The following DYSF variants were observed in gnomAD, a reference collection of about 807,000 sequenced individuals.
DYSF encodes dystrophy-associated fer-1-like 1.
In DYSF, 212 loss-of-function variants were observed where a neutral mutation model predicts 274.9. The ratio of observed to expected loss-of-function variants is 0.77; its 90% confidence interval spans 0.69 to 0.86. The LOEUF is 0.86. Ranked by LOEUF, DYSF falls within the 40% of genes least tolerant of loss-of-function variation. DYSF has a pLI of 0.00. For synonymous variants in DYSF, 1,091 were observed against 1,078.7 expected, an observed-to-expected ratio of 1.01 and a Z score of -0.22; for missense variants, 2,666 against 2,783.2, an observed-to-expected ratio of 0.96 and a Z score of 0.95.
intron 55 of DYSF, 57 bp downstream of exon 55, chr2:71,682,734 A>G: frequency 1.3e-6 from 2 of 1,574,762 alleles, no homozygotes. Context: ...GGGGGAGTTC[A>G]TCATTGTCCT....
At chr2:71,557,447 C>A (rs1273225637) in intron 22 of DYSF, among the ~76,000 whole-genome samples, 4 of 152,172 alleles carry the variant, frequency 2.6e-5, no homozygotes, top group Non-Finnish European at 2.9e-5. Context: ...CCCCGAGGGT[C>A]TCTGCTAAGG....
At position 71,570,627 on chromosome 2, in the gene DYSF, G is replaced by A. The variant is rs398123778; in HGVS notation, c.3114G>A (p.Pro1038=). The part of the protein sequence containing the change: ...QGWEYSITIP[P]ERKPKHWVPA... ...GGGAGTATAGCATCACCATCCCCCC[G>A]GAGCGGAAGCCGAAGCACTGGGTCC... The change falls in exon 29 of 56, where the codon CCG becomes CCA. Residue 1038 remains proline, a synonymous_variant. Coordinates refer to ENST00000410020, the MANE Select transcript of DYSF (RefSeq NM_001130987.2). The A allele has an allele frequency of 1.7e-4, 282 of 1,614,028 alleles. 4 individuals are homozygous for A. The South Asian group carries it at 1.8e-3, about 10-fold the overall frequency.
intron 3 of DYSF, among the ~76,000 whole-genome samples, chr2:71,493,941 T>C (rs1051663185): frequency 1.1e-4 from 16 of 152,136 alleles, no homozygotes; most frequent in Non-Finnish European, 2.4e-4. Flanking sequence ...ATAATTATTT[T>C]GAAATATTAT....
At chr2:71,553,757 ACCCG>A in intron 20 of DYSF, 46 bp from the exon 21 acceptor site, 1 of 461,854 alleles carries the variant, frequency 2.2e-6, no homozygotes, top group East Asian at 9.3e-5. Flanking sequence ...ACCCCATCCC[ACCCG>A]CCCTCCACTC....
In DYSF at chr2:71,663,172, C is replaced by T. The variant is rs1430492900; in HGVS notation, c.5004-1096C>T. Among the ~76,000 whole-genome samples, 48 of 152,070 alleles carry T rather than the reference C, an allele frequency of 3.2e-4. 1 individual carries two copies. Among genetic ancestry groups the T allele is most frequent in the Admixed American group, 3.0e-3 (46 of 15,264 alleles). ...CAGTGTCTGGGCTGGGGAGAGGGCC[C>T]GTCTCATGTGCCCACCACCGCTGTC... On this transcript the variant is annotated intron_variant, in intron 45 of 55. Transcript: ENST00000410020.
At chr2:71,678,390 T>C (rs747889044) in intron 52 of DYSF, among the ~76,000 whole-genome samples, 1 of 152,058 alleles carries the variant, frequency 6.6e-6, no homozygotes, top group Non-Finnish European at 1.5e-5. Context: ...ACAACAAGGA[T>C]GAACCCTGAA....
intron 4 of DYSF, among the ~76,000 whole-genome samples, chr2:71,511,450 A>G (rs911356996): frequency 6.6e-6 from 1 of 152,200 alleles, no homozygotes; most frequent in African/African-American, 2.4e-5. Context: ...TCATTTGCAG[A>G]AGTCCACTAC....
intron 3 of DYSF, among the ~76,000 whole-genome samples, chr2:71,496,636 C>T (rs2084428703): frequency 1.3e-5 from 2 of 151,940 alleles, no homozygotes; most frequent in Admixed American, 6.6e-5. Flanking sequence ...CTGAGTGTGA[C>T]AGGCTGTGGA....
chr2:71,467,574 C>T (rs2081625967), intron 1 of DYSF, among the ~76,000 whole-genome samples: 2 of 152,182 alleles, frequency 1.3e-5, no homozygotes, highest in African/African-American at 4.8e-5. Flanking sequence ...CACACACACA[C>T]TCCTCTTCTC....
In DYSF at chr2:71,527,917, T is replaced by C. The variant is rs745508358; in HGVS notation, c.1277-381T>C. 3.9e-4 allele frequency among the ~76,000 whole-genome samples: 60 copies of C among 152,164 alleles called. 1 individual carries two copies. The highest frequency in any genetic ancestry group is 7.3e-5 in the Non-Finnish European group (5 of 68,030). ...CAGGTAAATCGCTGCGCTAATAGAT[T>C]TAAAGGAAAATGTCAACCAGGCACC... is the stretch of plus-strand genomic sequence containing the variant. On this transcript the variant is annotated intron_variant, in intron 13 of 55. Coordinates refer to ENST00000410020, the MANE Select transcript of DYSF (RefSeq NM_001130987.2).
chr2:71,630,330 T>C (rs373185364), intron 41 of DYSF, among the ~76,000 whole-genome samples: 3 of 152,348 alleles, frequency 2.0e-5, no homozygotes, highest in African/African-American at 7.2e-5. Context: ...ATTTCCTATG[T>C]TTGTTATGGT....
chr2:71,613,641 C>G (rs182865423), intron 40 of DYSF, among the ~76,000 whole-genome samples: 1 of 152,208 alleles, frequency 6.6e-6, no homozygotes, highest in East Asian at 1.9e-4. Context: ...TTCTTGGATG[C>G]ATATGTGAAA....
Position 71,528,318 on chromosome 2 carries a change from A to G in DYSF, c.1297A>G (p.Asn433Asp). ...CCCAGTGGACGATGCCGTGATGGAC[A>G]ACGTGAAACAGATCTTTGGCTTCGA... ...LPQMDDAVMD[N>D]VKQIFGFESN... The change falls in exon 14 of 56, where the codon AAC becomes GAC. Residue 433 changes from asparagine (N) to aspartate (D), a missense_variant. This residue lies in a region of DYSF where 794 missense variants were observed against 777.1 expected (regional missense o/e 1.02). Coordinates refer to ENST00000410020, the MANE Select transcript of DYSF (RefSeq NM_001130987.2). 1 of 1,614,130 alleles carries G rather than the reference A, an allele frequency of 6.2e-7. No individual in the cohort carries two copies. The highest frequency in any genetic ancestry group is 8.5e-7 in the Non-Finnish European group (1 of 1,179,998).
Position 71,531,753 on chromosome 2 carries a change from GA to G in DYSF, c.1381-3267del, listed in dbSNP as rs140134879. On this transcript the variant is annotated intron_variant, in intron 14 of 55. Transcript: ENST00000410020. Reference sequence around the variant, plus strand: ...GCGTTCCTCAGCTCAGAAAGGCTGTGATGTGTTTTATGGAGGAAGTGCGTGT... The same window carrying G: ...GCGTTCCTCAGCTCAGAAAGGCTGTGTGTGTTTTATGGAGGAAGTGCGTGT... Among the ~76,000 whole-genome samples, 1,061 of 152,250 alleles carry G rather than the reference GA, an allele frequency of 7.0e-3. 14 individuals carry two copies. Among genetic ancestry groups the G allele is most frequent in the African/African-American group, 0.025 (1,025 of 41,552 alleles).
chr2:71,634,977 T>C (rs1453514802), intron 41 of DYSF, among the ~76,000 whole-genome samples: 1 of 152,194 alleles, frequency 6.6e-6, no homozygotes, highest in East Asian at 1.9e-4. Context: ...CCCATGACAC[T>C]CTGGGGTCTG....
intron 43 of DYSF, among the ~76,000 whole-genome samples, 182 bp downstream of exon 43, chr2:71,656,472 G>A (rs1266466155): frequency 6.6e-6 from 1 of 152,200 alleles, no homozygotes; most frequent in African/African-American, 2.4e-5. Context: ...ATGGGATGGT[G>A]TTGGGCTTGG....
chr2:71,557,892 T>C (rs1468274720), intron 22 of DYSF, among the ~76,000 whole-genome samples: 2 of 151,782 alleles, frequency 1.3e-5, no homozygotes, highest in African/African-American at 2.4e-5. Context: ...ATTAGCCATG[T>C]GTGGTGGCGG....
In DYSF at chr2:71,613,819, G is replaced by A. The variant is rs1166169360; in HGVS notation, c.4464+409G>A. Among the ~76,000 whole-genome samples, 3 of 152,178 alleles carry A rather than the reference G, an allele frequency of 2.0e-5. No individual in the cohort carries two copies. The East Asian group carries it at 5.8e-4, about 29-fold the overall frequency. On this transcript the variant is annotated intron_variant, in intron 40 of 55. Coordinates refer to ENST00000410020, the MANE Select transcript of DYSF (RefSeq NM_001130987.2). ...ATCTGGGACAGGCCCCTTCTTAGGGGGAAGGTTGTTCTGTGGGCTTGTGCT... is the reference window on the plus strand; with the variant it reads ...ATCTGGGACAGGCCCCTTCTTAGGGAGAAGGTTGTTCTGTGGGCTTGTGCT...
At position 71,532,994 on chromosome 2, in the gene DYSF, C is replaced by T. The variant is rs190873834; in HGVS notation, c.1381-2027C>T. Among the ~76,000 whole-genome samples the T allele has an allele frequency of 4.3e-4, 65 of 152,228 alleles. 1 individual carries two copies. Among genetic ancestry groups the T allele is most frequent in the African/African-American group, 1.4e-3 (59 of 41,526 alleles). ...TATATTATTCTGGTTTTGTGATGCA[C>T]GTGTAAGCAAATATGACTACAGATT... On this transcript the variant is annotated intron_variant, in intron 14 of 55. Coordinates refer to ENST00000410020, the MANE Select transcript of DYSF (RefSeq NM_001130987.2).
Sources: allele counts gnomAD v4.1 joint callset (sites outside exome capture counted in the v4.1 genomes callset), GRCh38; gene constraint gnomAD v4.1.1; regional missense constraint gnomAD v4.1.1; transcripts MANE v1.5; gene names NCBI Gene and HGNC (gene_info 2026-07-23, HGNC 2026-07-21).